Variants in AGBL4 observed in about 807,000 individuals in gnomAD.
AGBL4 encodes AGBL carboxypeptidase 4.
In AGBL4, 58 loss-of-function variants were observed where a neutral mutation model predicts 66.4. The observed-to-expected ratio is 0.87, with a 90% CI of 0.71 to 1.09. AGBL4 has a LOEUF of 1.09. AGBL4 is among the 50% of genes least tolerant of loss of function. The probability of loss-of-function intolerance (pLI) is 0.00; values close to 1 mark genes in which losing one functional copy is unlikely to be tolerated. For missense variants in AGBL4, 579 were observed against 631.0 expected, an observed-to-expected ratio of 0.92 and a Z score of 0.88; for synonymous variants, 234 against 222.9, an observed-to-expected ratio of 1.05 and a Z score of -0.44.
intron 3 of AGBL4, among the ~76,000 whole-genome samples, chr1:49,568,695 A>C (rs1245249500): frequency 6.6e-6 from 1 of 152,246 alleles, no homozygotes; most frequent in Non-Finnish European, 1.5e-5. Flanking sequence ...AGAGTCCAAT[A>C]GCCAAGGCAA....
chr1:48,937,913 G>A (rs1288330252), intron 5 of AGBL4, among the ~76,000 whole-genome samples: 1 of 152,174 alleles, frequency 6.6e-6, no homozygotes, highest in East Asian at 1.9e-4. Flanking sequence ...CCAGAGCACA[G>A]GAGTGGGAGC....
chr1:50,008,869 C>T (rs553660754), intron 1 of AGBL4, among the ~76,000 whole-genome samples: 1 of 151,994 alleles, frequency 6.6e-6, no homozygotes, highest in South Asian at 2.1e-4. Flanking sequence ...GCCATCATGA[C>T]CAACCATATG....
intron 2 of AGBL4, among the ~76,000 whole-genome samples, chr1:49,711,949 G>C (rs1187800751): frequency 6.6e-6 from 1 of 151,796 alleles, no homozygotes; most frequent in Non-Finnish European, 1.5e-5. Flanking sequence ...TTGTTTCTTT[G>C]GAAAAATTAA....
At chr1:49,528,114 G>A (rs77212877) in intron 3 of AGBL4, among the ~76,000 whole-genome samples, 1,657 of 152,130 alleles carry the variant, frequency 0.011, 27 homozygotes, top group African/African-American at 0.038. Context: ...GGGATTTGAT[G>A]ACTAATATGA....
At chr1:48,877,034 C>T (rs1045935979) in intron 5 of AGBL4, among the ~76,000 whole-genome samples, 3 of 152,096 alleles carry the variant, frequency 2.0e-5, no homozygotes, top group African/African-American at 2.4e-5. Flanking sequence ...TCCACTAGCC[C>T]AACTATTTTA....
chr1:48,624,921 T>TGC (rs772004960), intron 9 of AGBL4, among the ~76,000 whole-genome samples: 6 of 143,622 alleles, frequency 4.2e-5, no homozygotes, highest in African/African-American at 1.5e-4. Flanking sequence ...TGTGTGTGTG[T>TGC]GCACGTGACA....
At position 49,169,778 on chromosome 1, in the gene AGBL4, C is replaced by T. The variant is rs12086381; in HGVS notation, c.377+75992G>A. ...AGTTAGACTTTTTTCTCTGGTTTTG[C>T]AGATGAGAAAACTGAGGTTCAAAGA... is the stretch of plus-strand genomic sequence containing the variant. On this transcript the variant is annotated intron_variant, in intron 4 of 13. Transcript: ENST00000371839. 3.3e-3 allele frequency among the ~76,000 whole-genome samples: 497 copies of T among 152,244 alleles called. 8 individuals carry two copies. Among genetic ancestry groups the T allele is most frequent in the African/African-American group, 0.011 (452 of 41,514 alleles).
chr1:48,841,410 C>A lies in AGBL4; in HGVS notation c.634+25781G>T, dbSNP rs369059223. Among the ~76,000 whole-genome samples the A allele has an allele frequency of 4.5e-3, 622 of 137,228 alleles. 12 individuals are homozygous for A. Among genetic ancestry groups the A allele is most frequent in the African/African-American group, 0.016 (575 of 36,526 alleles). The allele number at this position is 137,228 out of a possible 152,430, so 90.0% of individuals were successfully genotyped here. On this transcript the variant is annotated intron_variant, in intron 6 of 13. Transcript: ENST00000371839. ...ATCTCTTACTACAAAACCCCCCCCC[C>A]CCAAAAAAAAAGAAGAGAGAGAAGG... is the stretch of plus-strand genomic sequence containing the variant.
chr1:49,554,453 G>T (rs1012455450), intron 3 of AGBL4, among the ~76,000 whole-genome samples: 1 of 152,102 alleles, frequency 6.6e-6, no homozygotes, highest in Admixed American at 6.6e-5. Context: ...TAAAACAATT[G>T]AAACCATTTT....
In AGBL4 at chr1:48,728,709, G is replaced by A. The variant is rs151116031; in HGVS notation, c.635-65468C>T. Among the ~76,000 whole-genome samples, 90 of 152,300 alleles carry A rather than the reference G, an allele frequency of 5.9e-4. No homozygotes were observed. In the Middle Eastern group the frequency reaches 0.014, roughly 23 times the overall value. ...GAAATTCTCCAGTATCAGCCTAGGCGTGGACTTGCTGAATGTTAAGATGTG... is the reference window on the plus strand; with the variant it reads ...GAAATTCTCCAGTATCAGCCTAGGCATGGACTTGCTGAATGTTAAGATGTG... On this transcript the variant is annotated intron_variant, in intron 6 of 13. Coordinates refer to ENST00000371839, the MANE Select transcript of AGBL4 (RefSeq NM_032785.4).
intron 1 of AGBL4, among the ~76,000 whole-genome samples, chr1:49,948,410 TATAG>T (rs1438646350): frequency 1.8e-4 from 21 of 115,302 alleles, no homozygotes; most frequent in Non-Finnish European, 3.1e-4. Context: ...TATATATAAA[TATAG>T]ATAAATATAG....
chr1:49,369,546 C>T (rs993095625), intron 3 of AGBL4, among the ~76,000 whole-genome samples: 5 of 152,056 alleles, frequency 3.3e-5, no homozygotes, highest in Admixed American at 6.5e-5. Flanking sequence ...GGAATGTTTC[C>T]AGGCCTTGGC....
At chr1:49,001,556 C>A (rs1364021176) in intron 5 of AGBL4, among the ~76,000 whole-genome samples, 1 of 152,142 alleles carries the variant, frequency 6.6e-6, no homozygotes, top group East Asian at 1.9e-4. Flanking sequence ...AACTACACAC[C>A]AGCCCTCCTT....
intron 6 of AGBL4, among the ~76,000 whole-genome samples, chr1:48,749,666 A>G (rs529242174): frequency 1.3e-4 from 20 of 152,280 alleles, no homozygotes; most frequent in African/African-American, 4.6e-4. Flanking sequence ...AAAGCCCCAC[A>G]ATCATGAGGG....
At chr1:49,207,676 T>C (rs1277020865) in intron 4 of AGBL4, among the ~76,000 whole-genome samples, 5 of 151,130 alleles carry the variant, frequency 3.3e-5, no homozygotes, top group African/African-American at 1.2e-4. Flanking sequence ...AATGCAGCCT[T>C]GACTTCCCGG....
At chr1:49,773,485 TGTG>T (rs1240001740) in intron 2 of AGBL4, among the ~76,000 whole-genome samples, 2 of 152,162 alleles carry the variant, frequency 1.3e-5, no homozygotes, top group African/African-American at 4.8e-5. Context: ...GGAAACACTG[TGTG>T]GCTTCAGCTC....
At chr1:49,144,154 C>G (rs955278380) in intron 4 of AGBL4, among the ~76,000 whole-genome samples, 1 of 152,150 alleles carries the variant, frequency 6.6e-6, no homozygotes, top group African/African-American at 2.4e-5. Flanking sequence ...GCACTGTTAA[C>G]TTGCTCTATC....
chr1:50,019,306 T>TCACACACACA (rs35648756), intron 1 of AGBL4, among the ~76,000 whole-genome samples: 636 of 48,392 alleles, frequency 0.013, 15 homozygotes, highest in Middle Eastern at 0.034. Flanking sequence ...TCTCTCTCTC[T>TCACACACACA]CACACACACA....
intron 2 of AGBL4, among the ~76,000 whole-genome samples, chr1:49,715,800 G>A (rs543231916): frequency 2.6e-5 from 4 of 152,182 alleles, no homozygotes; most frequent in South Asian, 4.1e-4. Flanking sequence ...TTTTGATGAA[G>A]TTGTTTGTTT....
Sources: gnomAD v4.1 joint callset for allele counts (sites outside exome capture counted in the v4.1 genomes callset) on GRCh38, gnomAD v4.1.1 for gene constraint, MANE v1.5 for transcripts, NCBI Gene and HGNC (gene_info 2026-07-23, HGNC 2026-07-21) for gene names.